Variants in BMPR2 observed in about 807,000 individuals in gnomAD.
The protein encoded by BMPR2 is bone morphogenetic protein receptor type-2.
In BMPR2, 29 loss-of-function variants were observed where a neutral mutation model predicts 100.8. That is an observed-to-expected ratio of 0.29 (90% confidence interval 0.21 to 0.39). The LOEUF is 0.39. Among genes scored for constraint, BMPR2 ranks in the 10% least tolerant of loss-of-function variants. BMPR2 has a pLI of 1.00. For synonymous variants in BMPR2, 382 were observed against 442.3 expected (o/e 0.86, Z 1.71); for missense variants, 1,011 against 1,274.5 (o/e 0.79, Z 3.15).
chr2:202,415,010 G>A (rs962065910), intron 1 of BMPR2, among the ~76,000 whole-genome samples: 3 of 152,036 alleles, frequency 2.0e-5, no homozygotes, highest in Non-Finnish European at 4.4e-5. Flanking sequence ...GATATTACAG[G>A]TGTGAGCCAC....
At chr2:202,439,096 C>T (rs1214462866) in intron 1 of BMPR2, among the ~76,000 whole-genome samples, 1 of 150,226 alleles carries the variant, frequency 6.7e-6, no homozygotes, top group Admixed American at 6.6e-5. Flanking sequence ...AATCAGTGAG[C>T]ATGGGATGTC....
intron 1 of BMPR2, among the ~76,000 whole-genome samples, chr2:202,392,258 A>G (rs1286468702): frequency 6.6e-6 from 1 of 151,804 alleles, no homozygotes; most frequent in Non-Finnish European, 1.5e-5. Flanking sequence ...TTTAGTAGGG[A>G]TGGGGTTTCA....
Position 202,377,344 on chromosome 2 carries a change from C to T in BMPR2, c.-131C>T, listed in dbSNP as rs1690171440. ...CTAGGTCCTCTCATCAGCCATTTGT[C>T]CTTTCAAACTGTATTGTGATACGGG... On this transcript the variant is annotated 5_prime_UTR_variant, in exon 1 of 13. Coordinates refer to ENST00000374580, the MANE Select transcript of BMPR2 (RefSeq NM_001204.7). The T allele has an allele frequency of 2.3e-6, 2 of 880,428 alleles. No homozygotes were observed. The highest frequency in any genetic ancestry group is 1.9e-6 in the Non-Finnish European group (1 of 515,262). 54.5% of individuals were successfully genotyped at this position (880,428 alleles called of 1,614,324 possible).
At chr2:202,386,618 C>T (rs1487588945) in intron 1 of BMPR2, among the ~76,000 whole-genome samples, 2 of 152,084 alleles carry the variant, frequency 1.3e-5, no homozygotes, top group Admixed American at 6.6e-5. Flanking sequence ...TCTGTTTCCT[C>T]TGTTAACGTC....
intron 3 of BMPR2, among the ~76,000 whole-genome samples, chr2:202,507,662 C>G (rs1164741603): frequency 6.6e-6 from 1 of 151,914 alleles, no homozygotes; most frequent in Non-Finnish European, 1.5e-5. Context: ...ATGCTGAGAT[C>G]ACAGGCATGA....
At chr2:202,473,662 G>A (rs1692480013) in intron 3 of BMPR2, among the ~76,000 whole-genome samples, 1 of 151,998 alleles carries the variant, frequency 6.6e-6, no homozygotes, top group African/African-American at 2.4e-5. Flanking sequence ...GTGGTAGTGG[G>A]CGCCTGTAAT....
intron 3 of BMPR2, among the ~76,000 whole-genome samples, chr2:202,470,632 C>T (rs975003833): frequency 9.2e-5 from 14 of 151,582 alleles, no homozygotes; most frequent in East Asian, 3.9e-4. Flanking sequence ...GGCGCGGTGG[C>T]GGGCGCCTGT....
intron 1 of BMPR2, among the ~76,000 whole-genome samples, chr2:202,383,689 G>C (rs904601171): frequency 7.2e-6 from 1 of 139,152 alleles, no homozygotes; most frequent in East Asian, 2.1e-4. Flanking sequence ...AAAAAAAAAA[G>C]AAAAAAACAA....
chr2:202,504,534 T>C (rs963770849), intron 3 of BMPR2, among the ~76,000 whole-genome samples: 3 of 152,078 alleles, frequency 2.0e-5, no homozygotes, highest in Non-Finnish European at 4.4e-5. Context: ...ACGCACCACC[T>C]GAAGAGCTGT....
chr2:202,400,833 T>C (rs187418097), intron 1 of BMPR2, among the ~76,000 whole-genome samples: 172 of 152,330 alleles, frequency 1.1e-3, no homozygotes, highest in Middle Eastern at 3.4e-3. Context: ...TAGTATTTTG[T>C]TGTTTTATTC....
At chr2:202,391,920 C>T (rs529040703) in intron 1 of BMPR2, among the ~76,000 whole-genome samples, 2 of 151,780 alleles carry the variant, frequency 1.3e-5, no homozygotes, top group African/African-American at 2.4e-5. Flanking sequence ...CGCCACCACG[C>T]CCAGCTAATT....
chr2:202,445,246 A>G (rs1449031356), intron 1 of BMPR2, among the ~76,000 whole-genome samples: 1 of 150,086 alleles, frequency 6.7e-6, no homozygotes, highest in East Asian at 1.9e-4. Flanking sequence ...TTATATATTT[A>G]AGACAGAGTC....
intron 7 of BMPR2, among the ~76,000 whole-genome samples, chr2:202,527,165 GA>G (rs1390521895): frequency 6.6e-6 from 1 of 151,900 alleles, no homozygotes; most frequent in Non-Finnish European, 1.5e-5. Flanking sequence ...TGCCTGCCCA[GA>G]ATTTATGTTT....
intron 1 of BMPR2, among the ~76,000 whole-genome samples, chr2:202,407,099 TA>T: frequency 6.7e-6 from 1 of 149,572 alleles, no homozygotes; most frequent in South Asian, 2.1e-4. Context: ...AGGCATGTGC[TA>T]ATTTTTGTAT....
intron 3 of BMPR2, among the ~76,000 whole-genome samples, chr2:202,489,393 G>A (rs35939513): frequency 0.13 from 19,068 of 152,192 alleles, 1,271 homozygotes; most frequent in Admixed American, 0.14. Flanking sequence ...TTAAGGGAAC[G>A]AAAAGCAAGG....
chr2:202,523,526 G>A (rs1016801295), intron 7 of BMPR2, among the ~76,000 whole-genome samples: 6 of 152,162 alleles, frequency 3.9e-5, no homozygotes, highest in Admixed American at 1.3e-4. Context: ...TTAAATGGCC[G>A]GACGTGGTGG....
chr2:202,396,707 G>C (rs986618692), intron 1 of BMPR2, among the ~76,000 whole-genome samples: 1 of 152,170 alleles, frequency 6.6e-6, no homozygotes, highest in African/African-American at 2.4e-5. Flanking sequence ...CAGAGATATT[G>C]CATGCTTGGA....
Position 202,534,954 on chromosome 2 carries a change from AC to A in BMPR2, c.1276+2230del, listed in dbSNP as rs571610219. On this transcript the variant is annotated intron_variant, in intron 9 of 12. Coordinates refer to ENST00000374580, the MANE Select transcript of BMPR2 (RefSeq NM_001204.7). ...GGGCGGCTGGCCGGGCGGGGGGCTG[AC>A]CCCCCCCACCTCCTGGCCGGGCGGG... 5.1e-3 allele frequency among the ~76,000 whole-genome samples: 240 copies of A among 46,602 alleles called. 9 individuals carry two copies. The highest frequency in any genetic ancestry group is 0.019 in the African/African-American group (222 of 11,488). 30.6% of individuals were successfully genotyped at this position (46,602 alleles called of 152,430 possible).
Position 202,560,400 on chromosome 2 carries a change from G to A in BMPR2, c.*454G>A, listed in dbSNP as rs775197956. 5.0e-5 allele frequency: 9 copies of A among 180,630 alleles called. No homozygotes were observed. The highest frequency in any genetic ancestry group is 8.3e-5 in the Non-Finnish European group (7 of 84,380). The allele number at this position is 180,630 out of a possible 1,614,324, so 11.2% of individuals were successfully genotyped here. ...CACAAGCTAGTTTTTATGTTGATAC[G>A]TTCCTGAACATATTATCTTGTTGGA... On this transcript the variant is annotated 3_prime_UTR_variant, in exon 13 of 13. Coordinates refer to ENST00000374580, the MANE Select transcript of BMPR2 (RefSeq NM_001204.7).
Sources: gnomAD v4.1 joint callset for allele counts (sites outside exome capture counted in the v4.1 genomes callset) on GRCh38, gnomAD v4.1.1 for gene constraint, MANE v1.5 for transcripts, NCBI Gene and HGNC (gene_info 2026-07-23, HGNC 2026-07-21) for gene names.